Variants in ATP2C2 observed in about 807,000 individuals in gnomAD.
ATP2C2 encodes the protein ATPase secretory pathway Ca2+ transporting 2.
Under a neutral mutation model 110.8 loss-of-function variants are expected in ATP2C2, and 171 were observed. That is an observed-to-expected ratio of 1.54 (90% CI 1.36 to 1.75). The LOEUF is 1.75. ATP2C2 is among the 40% of genes most tolerant of loss of function. The pLI, the probability that ATP2C2 is intolerant of heterozygous loss-of-function variation, is 0.00. For synonymous variants in ATP2C2, 804 were observed against 508.4 expected, an observed-to-expected ratio of 1.58 and a Z score of -7.82; for missense variants, 1,963 against 1,235.0, an observed-to-expected ratio of 1.59 and a Z score of -8.84.
rs139678608 is a variant in ATP2C2 at position 84,404,610 on chromosome 16, G to C, written c.211-518G>C. 1.7e-3 allele frequency: 445 copies of C among 255,400 alleles called. 4 individuals carry two copies. Among genetic ancestry groups the C allele is most frequent in the Middle Eastern group, 1.5e-3 (1 of 662 alleles). 15.8% of individuals were successfully genotyped at this position (255,400 alleles called of 1,614,324 possible). ...CATTCATTCATCCCTTGAAAGATTGGTGGGTTGTTTCCTCCTTTTTGCTTT... is the reference window on the plus strand; with the variant it reads ...CATTCATTCATCCCTTGAAAGATTGCTGGGTTGTTTCCTCCTTTTTGCTTT... On this transcript the variant is annotated intron_variant, in intron 2 of 26. Coordinates refer to ENST00000262429, the MANE Select transcript of ATP2C2 (RefSeq NM_014861.4).
intron 1 of ATP2C2, among the ~76,000 whole-genome samples, chr16:84,393,366 G>A (rs1247971435): frequency 1.3e-5 from 2 of 152,032 alleles, no homozygotes; most frequent in African/African-American, 2.4e-5. Context: ...CAGCGTCCAC[G>A]AGCTCAGTCA....
At chr16:84,432,934 G>A (rs972764410) in intron 11 of ATP2C2, among the ~76,000 whole-genome samples, 2 of 152,178 alleles carry the variant, frequency 1.3e-5, no homozygotes, top group Non-Finnish European at 2.9e-5. Context: ...GCTCCAGCAA[G>A]AACAGGACCA....
In ATP2C2 at chr16:84,439,438, G is replaced by A. The variant is rs202026876; in HGVS notation, c.1123G>A (p.Val375Ile). ...PIVETLGCCSVLCSDKTGTLT... is the reference protein window; with the variant it reads ...PIVETLGCCSILCSDKTGTLT... Reference sequence around the variant, plus strand: ...GTTTGTTGTACCAGGTTGCTGCAGCGTTCTCTGTTCTGACAAGACGGGGAC... The same window carrying A: ...GTTTGTTGTACCAGGTTGCTGCAGCATTCTCTGTTCTGACAAGACGGGGAC... The change falls in exon 13 of 27, where the codon GTT (valine) becomes ATT (isoleucine). Residue 375 changes from valine (V) to isoleucine (I), a missense_variant. Val to Ile is a conservative substitution (Grantham distance 29). Transcript: ENST00000262429. 1.9e-3 allele frequency: 3,000 copies of A among 1,614,090 alleles called. 11 individuals carry two copies. The highest frequency in any genetic ancestry group is 9.6e-3 in the South Asian group (873 of 91,078).
Position 84,453,231 on chromosome 16 carries a change from GGAAGGTGGGT to G in ATP2C2, c.1926_1929+6del, listed in dbSNP as rs1167514885. ...AAGGGCGAGCTGGCCGACCGCGTGG[GGAAGGTGGGT>G]CCCCGGAGGCTTGGCTGGCAGTGGG... On this transcript the variant is annotated splice_donor_variant and splice_donor_5th_base_variant and coding_sequence_variant and intron_variant, in exon 19 of 27. Coordinates refer to ENST00000262429, the MANE Select transcript of ATP2C2 (RefSeq NM_014861.4). LOFTEE classifies it high-confidence loss of function. 2.5e-6 allele frequency: 4 copies of G among 1,613,968 alleles called. No homozygotes were observed. The highest frequency in any genetic ancestry group is 3.4e-6 in the Non-Finnish European group (4 of 1,179,958).
At position 84,446,365 on chromosome 16, in the gene ATP2C2, A is replaced by T; in HGVS notation, c.1438A>T (p.Lys480Ter). The change falls in exon 16 of 27, where the codon AAA becomes TAA. Residue 480 changes from lysine to a stop codon, truncating the protein, a stop_gained. Transcript: ENST00000262429. LOFTEE classifies it high-confidence loss of function. ...TGATATTAAAAATTCATATATAAGA[A>T]AAAAAGAGATTCCATTCAGTTCAGA... The part of the protein sequence containing the change: ...LSDIKNSYIR[K>*]KEIPFSSEQK... 6.2e-7 allele frequency: 1 copy of T among 1,604,354 alleles called. No homozygotes were observed. The highest frequency in any genetic ancestry group is 1.3e-5 in the African/African-American group (1 of 74,260).
chr16:84,417,544 C>A (rs1906949344), intron 7 of ATP2C2, among the ~76,000 whole-genome samples: 1 of 152,048 alleles, frequency 6.6e-6, no homozygotes, highest in African/African-American at 2.4e-5. Context: ...CTTTTTAGAC[C>A]CCAGGTAACT....
intron 1 of ATP2C2, among the ~76,000 whole-genome samples, chr16:84,386,521 C>T (rs1301796471): frequency 1.3e-5 from 2 of 152,206 alleles, no homozygotes; most frequent in Non-Finnish European, 1.5e-5. Context: ...CTCCTCTTGG[C>T]CCGAATGCAC....
intron 11 of ATP2C2, among the ~76,000 whole-genome samples, chr16:84,430,643 A>G (rs1209339085): frequency 3.2e-5 from 2 of 63,378 alleles, no homozygotes; most frequent in Non-Finnish European, 7.9e-5. Flanking sequence ...CCATCTCAAA[A>G]AAAAAAAAAA....
intron 23 of ATP2C2, 188 bp from the exon 24 acceptor site, chr16:84,460,466 A>G (rs1429734654): frequency 9.0e-6 from 7 of 777,146 alleles, no homozygotes; most frequent in Non-Finnish European, 1.5e-5. Flanking sequence ...ACAGCTGCCC[A>G]TGGACCCAGG....
chr16:84,463,985 C>T lies in ATP2C2; in HGVS notation c.*253C>T, dbSNP rs974790801. 3 of 403,926 alleles carry T rather than the reference C, an allele frequency of 7.4e-6. No homozygotes were observed. Among genetic ancestry groups the T allele is most frequent in the African/African-American group, 2.0e-5 (1 of 49,768 alleles). The allele number at this position is 403,926 out of a possible 1,614,324, so 25.0% of individuals were successfully genotyped here. On this transcript the variant is annotated 3_prime_UTR_variant, in exon 27 of 27. Coordinates refer to ENST00000262429, the MANE Select transcript of ATP2C2 (RefSeq NM_014861.4). ...AGAAACACCACACTGTTTATTAAAT[C>T]ACAATGATTTTTATTAACCATGTCT...
At chr16:84,373,225 C>T (rs1219301240) in intron 1 of ATP2C2, among the ~76,000 whole-genome samples, 2 of 152,028 alleles carry the variant, frequency 1.3e-5, no homozygotes, top group African/African-American at 2.4e-5. Context: ...TCAGGCTGGG[C>T]ATGGTGGCTT....
intron 1 of ATP2C2, among the ~76,000 whole-genome samples, chr16:84,389,591 C>T (rs553251945): frequency 4.5e-4 from 68 of 152,308 alleles, no homozygotes; most frequent in East Asian, 3.1e-3. Context: ...CAGCCCTCTT[C>T]GGGCCCCTTG....
intron 7 of ATP2C2, among the ~76,000 whole-genome samples, chr16:84,416,295 G>C (rs1192988254): frequency 1.3e-5 from 2 of 152,194 alleles, no homozygotes; most frequent in African/African-American, 4.8e-5. Context: ...GTTCCCAAGA[G>C]GTTACATCAA....
intron 2 of ATP2C2, 48 bp downstream of exon 2, chr16:84,398,657 T>A: frequency 1.4e-6 from 2 of 1,467,288 alleles, no homozygotes; most frequent in Non-Finnish European, 1.9e-6. Flanking sequence ...AGGTTTTATG[T>A]TTAAAAGAAA....
At chr16:84,463,030 A>ACAGC (rs1209576279) in intron 26 of ATP2C2, 4 of 156,766 alleles carry the variant, frequency 2.6e-5, no homozygotes, top group Non-Finnish European at 5.6e-5. Context: ...ACCCCCCAAA[A>ACAGC]CACTCTGCTC....
chr16:84,407,356 A>G, intron 3 of ATP2C2: 1 of 152,734 alleles, frequency 6.5e-6, no homozygotes, highest in Non-Finnish European at 1.5e-5. Context: ...GTGAAATGAG[A>G]CGGAAAGCCA....
chr16:84,371,010 G>A (rs892038958), intron 1 of ATP2C2, among the ~76,000 whole-genome samples: 3 of 152,184 alleles, frequency 2.0e-5, no homozygotes, highest in Admixed American at 2.0e-4. Context: ...AGGCGCTGAG[G>A]ATACAGATGT....
chr16:84,455,691 C>G (rs1200953657), intron 21 of ATP2C2, among the ~76,000 whole-genome samples: 1 of 151,244 alleles, frequency 6.6e-6, no homozygotes, highest in African/African-American at 2.4e-5. Context: ...CTAGGTGGAT[C>G]GTGCACTTTA....
intron 1 of ATP2C2, among the ~76,000 whole-genome samples, chr16:84,371,139 G>C (rs1909930322): frequency 2.0e-5 from 3 of 152,326 alleles, no homozygotes; most frequent in African/African-American, 4.8e-5. Flanking sequence ...ACCAGACAGA[G>C]GACTGGTGGT....
Sources: allele counts gnomAD v4.1 joint callset (sites outside exome capture counted in the v4.1 genomes callset), GRCh38; gene constraint gnomAD v4.1.1; transcripts MANE v1.5; gene names NCBI Gene and HGNC (gene_info 2026-07-23, HGNC 2026-07-21).